Variants in LHFPL3 observed in about 807,000 individuals in gnomAD.
LHFPL3 encodes the protein LHFPL tetraspan subfamily member 3, also known as LHFPL tetraspan subfamily member 3 protein.
Under a neutral mutation model 19.3 loss-of-function variants are expected in LHFPL3, and 5 were observed. That is an observed-to-expected ratio of 0.26 (90% CI 0.14 to 0.54). The LOEUF is 0.54. LHFPL3 is among the 20% of genes least tolerant of loss of function. The pLI, the probability that LHFPL3 is intolerant of heterozygous loss-of-function variation, is 0.94. For synonymous variants in LHFPL3, 133 were observed against 126.2 expected, an observed-to-expected ratio of 1.05 and a Z score of -0.36; for missense variants, 249 against 307.4, an observed-to-expected ratio of 0.81 and a Z score of 1.42.
chr7:104,339,082 T>C (rs1437873431), intron 1 of LHFPL3, among the ~76,000 whole-genome samples: 1 of 152,134 alleles, frequency 6.6e-6, no homozygotes, highest in Non-Finnish European at 1.5e-5. Flanking sequence ...ACCCCGTCTC[T>C]ACTAAAAATA....
chr7:104,556,076 A>G (rs529991616), intron 1 of LHFPL3, among the ~76,000 whole-genome samples: 58 of 152,312 alleles, frequency 3.8e-4, no homozygotes, highest in Non-Finnish European at 7.4e-4. Flanking sequence ...TTTTCAGGGT[A>G]TAGCCTGCTT....
chr7:104,671,675 T>A (rs1792486374), intron 1 of LHFPL3, among the ~76,000 whole-genome samples: 1 of 152,166 alleles, frequency 6.6e-6, no homozygotes. Flanking sequence ...ACTATTTGTG[T>A]GAACTTGGAC....
intron 1 of LHFPL3, among the ~76,000 whole-genome samples, chr7:104,419,251 C>G (rs1482270880): frequency 6.6e-6 from 1 of 152,174 alleles, no homozygotes. Context: ...TAGGGACTAG[C>G]GTGTCACAGT....
rs1244723320 is a variant in LHFPL3 at position 104,908,194 on chromosome 7, G to C, written c.*1979G>C. 4.6e-5 allele frequency among the ~76,000 whole-genome samples: 7 copies of C among 152,120 alleles called. No individual in the cohort carries two copies. The highest frequency in any genetic ancestry group is 1.7e-4 in the African/African-American group (7 of 41,416). ...CGGGAGTCCTACATCACTAACAGTGGTATGAACAAAACTAAGAAAGTACTT... is the reference window on the plus strand; with the variant it reads ...CGGGAGTCCTACATCACTAACAGTGCTATGAACAAAACTAAGAAAGTACTT... On this transcript the variant is annotated 3_prime_UTR_variant, in exon 3 of 3. Transcript: ENST00000424859.
intron 1 of LHFPL3, among the ~76,000 whole-genome samples, chr7:104,431,711 A>C (rs1792006170): frequency 6.6e-6 from 1 of 152,206 alleles, no homozygotes; most frequent in Non-Finnish European, 1.5e-5. Flanking sequence ...TGGAGCTTCA[A>C]AGTTGTTCCT....
At chr7:104,450,536 A>T (rs1223317938) in intron 1 of LHFPL3, among the ~76,000 whole-genome samples, 1 of 152,092 alleles carries the variant, frequency 6.6e-6, no homozygotes, top group African/African-American at 2.4e-5. Context: ...GAACATATGG[A>T]CACAGGGAGG....
At position 104,349,875 on chromosome 7, in the gene LHFPL3, C is replaced by T. The variant is rs541871922; in HGVS notation, c.445+20651C>T. On this transcript the variant is annotated intron_variant, in intron 1 of 2. Coordinates refer to ENST00000424859, the MANE Select transcript of LHFPL3 (RefSeq NM_199000.3). ...GCCTTTGTTTCCCTATTTTTTAATA[C>T]GTTAGATTGGTATCATTGTCATATT... is the stretch of plus-strand genomic sequence containing the variant. Among the ~76,000 whole-genome samples, 9 of 152,234 alleles carry T rather than the reference C, an allele frequency of 5.9e-5. No individual in the cohort carries two copies. In the South Asian group the frequency reaches 6.2e-4, roughly 11 times the overall value.
At chr7:104,391,225 T>C (rs1301811690) in intron 1 of LHFPL3, among the ~76,000 whole-genome samples, 1 of 152,212 alleles carries the variant, frequency 6.6e-6, no homozygotes, top group South Asian at 2.1e-4. Context: ...TTTGTTGCCA[T>C]TGCTTTTGGT....
chr7:104,628,618 A>G (rs1379102695), intron 1 of LHFPL3, among the ~76,000 whole-genome samples: 2 of 152,168 alleles, frequency 1.3e-5, no homozygotes, highest in African/African-American at 2.4e-5. Context: ...CTATCAGGTA[A>G]AATTTTCAAG....
chr7:104,747,819 T>G (rs1424740845), intron 2 of LHFPL3, among the ~76,000 whole-genome samples: 3 of 152,178 alleles, frequency 2.0e-5, no homozygotes, highest in Non-Finnish European at 4.4e-5. Context: ...GAGCATAATA[T>G]TTACTTGGGA....
intron 1 of LHFPL3, among the ~76,000 whole-genome samples, chr7:104,398,975 G>A (rs958787917): frequency 2.0e-5 from 3 of 152,156 alleles, no homozygotes; most frequent in East Asian, 3.8e-4. Flanking sequence ...CAGGGGTTAG[G>A]TTCTGTTGGT....
chr7:104,795,728 A>G (rs1325026193), intron 2 of LHFPL3, among the ~76,000 whole-genome samples: 1 of 151,946 alleles, frequency 6.6e-6, no homozygotes, highest in African/African-American at 2.4e-5. Context: ...GCCAATTTAA[A>G]CTCCACATGT....
chr7:104,668,616 G>A lies in LHFPL3; in HGVS notation c.446-68059G>A, dbSNP rs2116025593. On this transcript the variant is annotated intron_variant, in intron 1 of 2. Transcript: ENST00000424859. ...TCGCAGGGATGATGACTACAGAGAA[G>A]GCAGGGACTGCTATGAAGACCAATA... The A allele has an allele frequency of 4.3e-6, 7 of 1,612,542 alleles. No homozygotes were observed. The South Asian group carries it at 4.4e-5, about 10-fold the overall frequency.
intron 2 of LHFPL3, among the ~76,000 whole-genome samples, chr7:104,882,733 G>C (rs10274240): frequency 0.067 from 10,250 of 152,118 alleles, 873 homozygotes; most frequent in East Asian, 0.45. Context: ...CAACTCTATA[G>C]GTATACTAAA....
chr7:104,798,397 GA>G (rs952819432), intron 2 of LHFPL3: 1 of 152,030 alleles, frequency 6.6e-6, no homozygotes, highest in East Asian at 1.9e-4. Context: ...TTCATCTGTG[GA>G]AAAAATAACC....
In LHFPL3 at chr7:104,866,258, C is replaced by G. The variant is rs182493998; in HGVS notation, c.683-39929C>G. Among the ~76,000 whole-genome samples, 2 of 152,204 alleles carry G rather than the reference C, an allele frequency of 1.3e-5. 1 individual carries two copies. Among genetic ancestry groups the G allele is most frequent in the East Asian group, 3.9e-4 (2 of 5,182 alleles). The stretch of plus-strand genomic sequence containing the variant: ...CTTAAATGTAAATGGGCTAAATGCT[C>G]CAATTAAAAGACACAGACTGACAAA... On this transcript the variant is annotated intron_variant, in intron 2 of 2. Transcript: ENST00000424859.
chr7:104,767,438 T>C (rs921679867), intron 2 of LHFPL3, among the ~76,000 whole-genome samples: 14 of 152,212 alleles, frequency 9.2e-5, no homozygotes, highest in African/African-American at 2.4e-4. Flanking sequence ...TCCGATATCA[T>C]GTGATCCACA....
intron 2 of LHFPL3, among the ~76,000 whole-genome samples, chr7:104,775,523 AT>A (rs947371666): frequency 6.3e-4 from 95 of 151,010 alleles, no homozygotes; most frequent in Admixed American, 2.0e-3. Flanking sequence ...GTTTGTACAA[AT>A]TTTTTTTTTC....
In LHFPL3 at chr7:104,465,741, CAT is replaced by C. The variant is rs201394249; in HGVS notation, c.445+136518_445+136519del. Reference sequence around the variant, plus strand: ...TACTCCCACTGGGTCCCTCCCATGACATGTGGGGATTATAGGAACTACAATTC... The same window carrying C: ...TACTCCCACTGGGTCCCTCCCATGACGTGGGGATTATAGGAACTACAATTC... On this transcript the variant is annotated intron_variant, in intron 1 of 2. Coordinates refer to ENST00000424859, the MANE Select transcript of LHFPL3 (RefSeq NM_199000.3). Among the ~76,000 whole-genome samples the C allele has an allele frequency of 7.5e-3, 1,142 of 152,304 alleles. 10 individuals carry two copies. The highest frequency in any genetic ancestry group is 0.027 in the African/African-American group (1,113 of 41,564).
Sources: gnomAD v4.1 joint callset for allele counts (sites outside exome capture counted in the v4.1 genomes callset) on GRCh38, gnomAD v4.1.1 for gene constraint, MANE v1.5 for transcripts, NCBI Gene and HGNC (gene_info 2026-07-23, HGNC 2026-07-21) for gene names.